IL4I1: variants seen among roughly 807,000 people sequenced by gnomAD.
The protein encoded by IL4I1 is interleukin 4 induced 1.
Under a neutral mutation model 29.7 loss-of-function variants are expected in IL4I1, and 24 were observed. The ratio of observed to expected loss-of-function variants is 0.81; its 90% CI spans 0.59 to 1.14. The LOEUF (loss-of-function observed/expected upper bound fraction) is 1.14. Ranked by LOEUF, IL4I1 falls within the 50% of genes most tolerant of loss-of-function variation. The probability of loss-of-function intolerance (pLI) is 0.00; values close to 1 mark genes in which losing one functional copy is unlikely to be tolerated. For missense variants in IL4I1, 686 were observed against 785.6 expected, an observed-to-expected ratio of 0.87 and a Z score of 1.52; for synonymous variants, 371 against 352.5, an observed-to-expected ratio of 1.05 and a Z score of -0.59.
chr19:49,921,312 C>T lies in IL4I1; in HGVS notation c.-228+6382G>A, dbSNP rs1031956014. On this transcript the variant is annotated intron_variant, in intron 2 of 9. Transcript: ENST00000341114. This position sits in a 1 kb window ranked among gnomAD's most constrained non-coding sequence, Gnocchi z 5.4. ...CTGGCCCCACAGCTGAGCTCCTAAC[C>T]GCACCGAGCCTCTCCAAAACATGGT... Among the ~76,000 whole-genome samples, 2 of 152,142 alleles carry T rather than the reference C, an allele frequency of 1.3e-5. No homozygotes were observed. Among genetic ancestry groups the T allele is most frequent in the South Asian group, 4.1e-4 (2 of 4,830 alleles).
At chr19:49,915,248 C>T (rs2075594779) in intron 2 of IL4I1, among the ~76,000 whole-genome samples, 1 of 152,142 alleles carries the variant, frequency 6.6e-6, no homozygotes, top group Admixed American at 6.5e-5. Context: ...AGGGACTTTG[C>T]AGATGTGATG....
intron 2 of IL4I1, among the ~76,000 whole-genome samples, chr19:49,906,193 G>A (rs1276871054): frequency 1.3e-5 from 2 of 151,542 alleles, no homozygotes; most frequent in African/African-American, 4.8e-5. Flanking sequence ...CTTAGGGATG[G>A]TACTAGATGA....
At chr19:49,909,552 T>G in intron 2 of IL4I1, 2 of 1,614,132 alleles carry the variant, frequency 1.2e-6, no homozygotes, top group Middle Eastern at 1.6e-4. Flanking sequence ...GAAAATCCAG[T>G]TCCCCCCGAA....
chr19:49,909,761 A>C, intron 2 of IL4I1: 1 of 1,614,128 alleles, frequency 6.2e-7, no homozygotes, highest in Non-Finnish European at 8.5e-7. Flanking sequence ...GCCAAACGTG[A>C]ACCCGCCTGT....
chr19:49,890,422 C>T lies in IL4I1; in HGVS notation c.952G>A (p.Val318Met). 1 of 1,610,184 alleles carries T rather than the reference C, an allele frequency of 6.2e-7. No individual in the cohort carries two copies. The highest frequency in any genetic ancestry group is 8.5e-7 in the Non-Finnish European group (1 of 1,179,382). The change falls in exon 8 of 8, where the codon GTG becomes ATG. Residue 318 changes from valine to methionine, a missense_variant. Transcript: ENST00000391826. ...RNLKVLKADV[V>M]LLTASGPAVK... ...GCCGGTCCGCTCGCCGTCAGCAGCA[C>T]CACGTCGGCCTTCAGCACCTTCAGA...
intron 3 of IL4I1, among the ~76,000 whole-genome samples, chr19:49,902,359 CT>C (rs1207280960): frequency 1.4e-3 from 164 of 118,638 alleles, no homozygotes; most frequent in African/African-American, 1.5e-3. Flanking sequence ...GCAGCCATTT[CT>C]TTTTTTTTTT....
chr19:49,923,192 C>T (rs1374925415), intron 2 of IL4I1, among the ~76,000 whole-genome samples: 1 of 152,170 alleles, frequency 6.6e-6, no homozygotes, highest in African/African-American at 2.4e-5. Context: ...GTCTCCCAGC[C>T]CCCGCGTCAT....
intron 2 of IL4I1, among the ~76,000 whole-genome samples, chr19:49,913,512 A>G (rs774514065): frequency 3.2e-4 from 48 of 152,262 alleles, no homozygotes; most frequent in Middle Eastern, 3.4e-3. Context: ...CGGGTGCGCC[A>G]TGTCCTCCCC....
intron 2 of IL4I1, among the ~76,000 whole-genome samples, chr19:49,906,632 G>A (rs1238523174): frequency 6.6e-6 from 1 of 152,162 alleles, no homozygotes; most frequent in Non-Finnish European, 1.5e-5. Context: ...AGCAAACCAC[G>A]ATTTGCATTT....
chr19:49,908,164 C>T, intron 2 of IL4I1: 3 of 1,571,062 alleles, frequency 1.9e-6, no homozygotes, highest in South Asian at 2.3e-5. Flanking sequence ...TTGCCACAAC[C>T]CCAAACTACA....
intron 5 of IL4I1, among the ~76,000 whole-genome samples, chr19:49,891,861 G>C (rs931071950): frequency 2.0e-5 from 3 of 152,090 alleles, no homozygotes; most frequent in African/African-American, 7.2e-5. Flanking sequence ...GTGTCCTCCC[G>C]GGGGCTCAGT....
chr19:49,898,605 C>T (rs1025451771), upstream of IL4I1, among the ~76,000 whole-genome samples: 9 of 152,176 alleles, frequency 5.9e-5, 1 homozygote, highest in South Asian at 4.1e-4. Context: ...CAGTGGCTTA[C>T]GCCTGTAATC....
intron 2 of IL4I1, among the ~76,000 whole-genome samples, chr19:49,919,148 G>A (rs963529512): frequency 4.6e-5 from 7 of 151,982 alleles, no homozygotes; most frequent in East Asian, 1.9e-4. Flanking sequence ...AGTGAAACTC[G>A]GTCTCAAAAA....
Position 49,889,909 on chromosome 19 carries a change from A to C in IL4I1, c.1465T>G (p.Trp489Gly). The C allele has an allele frequency of 6.2e-7, 1 of 1,609,766 alleles. No individual in the cohort carries two copies. The highest frequency in any genetic ancestry group is 8.5e-7 in the Non-Finnish European group (1 of 1,178,204). ...AGEHTAYPHG[W>G]VETAVKSALR... ...GCCGACTTGACCGCCGTCTCCACCCAGCCGTGCGGGTAGGCGGTGTGCTCG... is the reference window on the plus strand; with the variant it reads ...GCCGACTTGACCGCCGTCTCCACCCCGCCGTGCGGGTAGGCGGTGTGCTCG... Residue 489 changes from tryptophan to glycine, a missense_variant, in exon 8 of 8, where the codon TGG becomes GGG. Trp to Gly is a radical substitution (Grantham distance 184, BLOSUM62 -2). Transcript: ENST00000391826.
chr19:49,925,407 C>A (rs1203339591), intron 2 of IL4I1, among the ~76,000 whole-genome samples: 2 of 147,844 alleles, frequency 1.4e-5, no homozygotes, highest in African/African-American at 2.5e-5. Flanking sequence ...CCAGCCTGGG[C>A]AACATAGTAA....
At chr19:49,919,045 C>G (rs1042816653) in intron 2 of IL4I1, among the ~76,000 whole-genome samples, 16 of 151,952 alleles carry the variant, frequency 1.1e-4, no homozygotes, top group African/African-American at 3.4e-4. Context: ...CCCAGCTACT[C>G]GGGAGGCTGA....
chr19:49,926,973 C>T (rs2075909514), intron 2 of IL4I1, among the ~76,000 whole-genome samples: 1 of 151,880 alleles, frequency 6.6e-6, no homozygotes, highest in African/African-American at 2.4e-5. Context: ...GATCCTCCTG[C>T]CTTAGCCTCA....
intron 2 of IL4I1, chr19:49,917,468 CA>C (rs2075653422): frequency 6.6e-6 from 1 of 152,282 alleles, no homozygotes; most frequent in Non-Finnish European, 1.5e-5. Flanking sequence ...GAACTGAAGT[CA>C]ACTGACCAAC....
In IL4I1 at chr19:49,908,554, G is replaced by A. The variant is rs745705297; in HGVS notation, c.-227-4233C>T. On this transcript the variant is annotated intron_variant, in intron 2 of 9. Coordinates refer to the IL4I1 transcript ENST00000341114. Reference sequence around the variant, plus strand: ...CCGCGTGCTGCAGGTAGATGGTCCCGCTCTGCTCCTTGACCAACTCCTCCA... The same window carrying A: ...CCGCGTGCTGCAGGTAGATGGTCCCACTCTGCTCCTTGACCAACTCCTCCA... The A allele has an allele frequency of 6.2e-6, 10 of 1,614,012 alleles. No homozygotes were observed. Among genetic ancestry groups the A allele is most frequent in the African/African-American group, 2.7e-5 (2 of 74,930 alleles).
Sources: gnomAD v4.1 joint callset for allele counts (sites outside exome capture counted in the v4.1 genomes callset) on GRCh38, gnomAD v4.1.1 for gene constraint, Gnocchi (gnomAD v3.1) non-coding constraint, MANE v1.5 for transcripts, NCBI Gene and HGNC (gene_info 2026-07-23, HGNC 2026-07-21) for gene names.